The following PRELID3B variants were observed in gnomAD, a reference collection of about 807,000 sequenced individuals.
PRELID3B encodes the protein PRELI domain containing protein 3B.
PRELID3B carries 15 observed loss-of-function variants against 24.0 expected under a neutral mutation model. The observed-to-expected ratio is 0.63, with a 90% confidence interval of 0.42 to 0.96. The LOEUF is 0.96. Ranked by LOEUF, PRELID3B falls within the 40% of genes least tolerant of loss-of-function variation. PRELID3B has a pLI of 0.00. For missense variants in PRELID3B, 189 were observed against 236.0 expected (o/e 0.80, Z 1.30); for synonymous variants, 62 against 76.0 (o/e 0.82, Z 0.96).
In PRELID3B at chr20:59,039,049, T is replaced by G. The variant is rs554035990; in HGVS notation, c.33-415A>C. 2.6e-5 allele frequency among the ~76,000 whole-genome samples: 4 copies of G among 152,364 alleles called. No homozygotes were observed. The South Asian group carries it at 6.2e-4, about 24-fold the overall frequency. On this transcript the variant is annotated intron_variant, in intron 1 of 5. Coordinates refer to ENST00000355937, the MANE Select transcript of PRELID3B (RefSeq NM_016045.3). ...TTTTTCTGACCCCAATTCTATCAGT[T>G]TATACGGAAGTAACAAAAGTAAAAG... is the stretch of plus-strand genomic sequence containing the variant.
intron 2 of PRELID3B, 44 bp downstream of exon 2, chr20:59,038,422 T>A: frequency 6.4e-7 from 1 of 1,569,072 alleles, no homozygotes; most frequent in South Asian, 1.2e-5. Flanking sequence ...TTAGAAAACT[T>A]CTCTACAGCA....
In PRELID3B at chr20:59,034,227, A is replaced by C. The variant is rs1568695794; in HGVS notation, c.*780T>G. ...AAGTTAGGCAAATGTAAAATGCTAA[A>C]AGATGTGAACAGCTGTTCTTCTGTT... On this transcript the variant is annotated 3_prime_UTR_variant, in exon 6 of 6. Transcript: ENST00000355937. The C allele has an allele frequency of 6.6e-6, 1 of 152,286 alleles. No individual in the cohort carries two copies. Among genetic ancestry groups the C allele is most frequent in the African/African-American group, 2.4e-5 (1 of 41,478 alleles). The allele number at this position is 152,286 out of a possible 1,614,324, so 9.4% of individuals were successfully genotyped here.
Position 59,036,760 on chromosome 20 carries a change from T to C in PRELID3B, c.292A>G (p.Ile98Val), listed in dbSNP as rs769502394. ...EKTMELKSTN[I>V]SFTNMVSVDE... is the part of the protein sequence containing the mutation. ...ACTGAAACCATGTTTGTAAATGAAA[T>C]CTACAGAATGAAGAAAAAAAAAAAA... The change falls in exon 4 of 6, where the codon ATT becomes GTT. Residue 98 changes from isoleucine to valine, a missense_variant and splice_region_variant. Coordinates refer to ENST00000355937, the MANE Select transcript of PRELID3B (RefSeq NM_016045.3). 1.9e-6 allele frequency: 3 copies of C among 1,542,252 alleles called. No homozygotes were observed. The highest frequency in any genetic ancestry group is 8.8e-7 in the Non-Finnish European group (1 of 1,134,762).
intron 5 of PRELID3B, among the ~76,000 whole-genome samples, chr20:59,036,093 A>C (rs1222321417): frequency 2.0e-5 from 3 of 152,194 alleles, no homozygotes; most frequent in Non-Finnish European, 4.4e-5. Flanking sequence ...CAACAGTGAA[A>C]AAAGGTTGAG....
intron 1 of PRELID3B, among the ~76,000 whole-genome samples, chr20:59,042,411 G>T (rs2092116666): frequency 6.6e-6 from 1 of 152,228 alleles, no homozygotes; most frequent in South Asian, 2.1e-4. Flanking sequence ...TCAGGAGGCC[G>T]CCGGCCCGAG....
chr20:59,035,179 A>G, intron 5 of PRELID3B, 53 bp from the exon 6 acceptor site: 2 of 1,531,560 alleles, frequency 1.3e-6, no homozygotes, highest in Non-Finnish European at 1.8e-6. Flanking sequence ...AAAGGCATAT[A>G]TCGAACTAAT....
Position 59,039,967 on chromosome 20 carries a change from C to G in PRELID3B, c.33-1333G>C, listed in dbSNP as rs1394331896. On this transcript the variant is annotated intron_variant, in intron 1 of 5. Transcript: ENST00000355937. Reference sequence around the variant, plus strand: ...GTCCCGACAAATCGAAGCATACAGGCCAAGCACTGATTCTTACCAAGGCAA... The same window carrying G: ...GTCCCGACAAATCGAAGCATACAGGGCAAGCACTGATTCTTACCAAGGCAA... Among the ~76,000 whole-genome samples, 4 of 152,254 alleles carry G rather than the reference C, an allele frequency of 2.6e-5. 1 individual carries two copies. Among genetic ancestry groups the G allele is most frequent in the South Asian group, 2.1e-4 (1 of 4,818 alleles).
chr20:59,038,703 A>C, intron 1 of PRELID3B, 69 bp from the exon 2 acceptor site: 1 of 1,478,288 alleles, frequency 6.8e-7, no homozygotes, highest in Non-Finnish European at 9.0e-7. Context: ...TGAGTTAAAC[A>C]ATTTTTATAA....
chr20:59,041,860 A>G (rs753604706), intron 1 of PRELID3B, among the ~76,000 whole-genome samples: 2 of 152,226 alleles, frequency 1.3e-5, no homozygotes, highest in African/African-American at 4.8e-5. Context: ...AGATCAGCGG[A>G]ACAGAGCAGG....
chr20:59,034,121 A>C lies in PRELID3B; in HGVS notation c.*886T>G, dbSNP rs1205926128. 1 of 152,270 alleles carries C rather than the reference A, an allele frequency of 6.6e-6. No individual in the cohort carries two copies. Among genetic ancestry groups the C allele is most frequent in the Non-Finnish European group, 1.5e-5 (1 of 68,050 alleles). The allele number at this position is 152,270 out of a possible 1,614,324, so 9.4% of individuals were successfully genotyped here. A position where few individuals can be genotyped will look rare whatever the true frequency, so the allele number is the denominator to read the frequency against. On this transcript the variant is annotated 3_prime_UTR_variant, in exon 6 of 6. Transcript: ENST00000355937. ...GATGTTTTGTGGTCACAATTACTTC[A>C]AAAAGTAATTATATTCAAATAACCT...
chr20:59,035,752 C>T (rs1568696699), intron 5 of PRELID3B, among the ~76,000 whole-genome samples: 1 of 152,168 alleles, frequency 6.6e-6, no homozygotes, highest in Admixed American at 6.5e-5. Flanking sequence ...ATTAATGTCA[C>T]CTGCCTCTTA....
chr20:59,041,662 G>A (rs2092111082), intron 1 of PRELID3B, among the ~76,000 whole-genome samples: 1 of 152,152 alleles, frequency 6.6e-6, no homozygotes, highest in Admixed American at 6.5e-5. Flanking sequence ...TTGAACACGG[G>A]AGACGGAGGT....
At chr20:59,038,337 TA>T in intron 2 of PRELID3B, 128 bp downstream of exon 2, 1 of 680,978 alleles carries the variant, frequency 1.5e-6, no homozygotes, top group Non-Finnish European at 2.3e-6. Flanking sequence ...AAGTTTATTA[TA>T]ATACAACTTG....
intron 5 of PRELID3B, among the ~76,000 whole-genome samples, chr20:59,036,029 C>G (rs956390442): frequency 6.6e-6 from 1 of 152,056 alleles, no homozygotes; most frequent in East Asian, 1.9e-4. Context: ...TGATATATGA[C>G]TTAATGGAGG....
intron 1 of PRELID3B, 66 bp from the exon 2 acceptor site, chr20:59,038,700 A>C: frequency 6.7e-7 from 1 of 1,491,736 alleles, no homozygotes; most frequent in Non-Finnish European, 8.9e-7. Context: ...ATATGAGTTA[A>C]ACAATTTTTA....
chr20:59,033,581 C>T lies in PRELID3B; in HGVS notation c.*1426G>A, dbSNP rs930104426. The T allele has an allele frequency of 2.6e-5, 4 of 152,044 alleles. No homozygotes were observed. The highest frequency in any genetic ancestry group is 9.7e-5 in the African/African-American group (4 of 41,396). 9.4% of individuals were successfully genotyped at this position (152,044 alleles called of 1,614,324 possible). A position where few individuals can be genotyped will look rare whatever the true frequency, so the allele number is the denominator to read the frequency against. On this transcript the variant is annotated 3_prime_UTR_variant, in exon 6 of 6. Coordinates refer to ENST00000355937, the MANE Select transcript of PRELID3B (RefSeq NM_016045.3). ...TACAAATGTCCTAAGAAGTCTTAAG[C>T]TAAACAAAATTTAAGTAGGAAAACG...
Position 59,038,600 on chromosome 20 carries a change from G to T in PRELID3B, c.67C>A (p.Gln23Lys). Residue 23 changes from glutamine (Q) to lysine (K), a missense_variant, in exon 2 of 6, where the codon CAG (glutamine) becomes AAG (lysine). Physicochemically the swap from Gln to Lys is moderately conservative, Grantham distance 53. Transcript: ENST00000355937. ...GGGTTCATAGGGTTTGGGTATTTCT[G>T]CATTGCAGCTGTTGTAACAGTTTCC... ...PWETVTTAAM[Q>K]KYPNPMNPSV... 18 of 1,609,568 alleles carry T rather than the reference G, an allele frequency of 1.1e-5. No individual in the cohort carries two copies. The highest frequency in any genetic ancestry group is 1.5e-5 in the Non-Finnish European group (18 of 1,178,976).
At chr20:59,042,129 A>G (rs1352137705) in intron 1 of PRELID3B, among the ~76,000 whole-genome samples, 4 of 152,250 alleles carry the variant, frequency 2.6e-5, no homozygotes, top group African/African-American at 9.6e-5. Flanking sequence ...TTACAGCCAG[A>G]GCTAGACCTT....
At chr20:59,041,142 C>T (rs1015410387) in intron 1 of PRELID3B, among the ~76,000 whole-genome samples, 3 of 152,224 alleles carry the variant, frequency 2.0e-5, no homozygotes, top group Admixed American at 2.0e-4. Context: ...GTGCCGAGAA[C>T]CTCTGAAGCA....
Sources: gnomAD v4.1 joint callset for allele counts (sites outside exome capture counted in the v4.1 genomes callset) on GRCh38, gnomAD v4.1.1 for gene constraint, MANE v1.5 for transcripts, NCBI Gene and HGNC (gene_info 2026-07-23, HGNC 2026-07-21) for gene names.